The following PMFBP1 variants were observed in gnomAD, a reference collection of about 807,000 sequenced individuals.
The protein encoded by PMFBP1 is polyamine-modulated factor 1-binding protein 1.
PMFBP1 carries 131 observed loss-of-function variants against 137.8 expected under a neutral mutation model. The observed-to-expected ratio is 0.95, with a 90% CI of 0.82 to 1.10. PMFBP1 has a LOEUF of 1.10. PMFBP1 is among the 50% of genes least tolerant of loss of function. The probability of loss-of-function intolerance (pLI) is 0.00; values close to 1 mark genes in which losing one functional copy is unlikely to be tolerated. For missense variants in PMFBP1, 1,199 were observed against 1,175.4 expected, an observed-to-expected ratio of 1.02 and a Z score of -0.29; for synonymous variants, 490 against 450.4, an observed-to-expected ratio of 1.09 and a Z score of -1.11.
chr16:72,165,926 T>TGGTG (rs2043138832), intron 2 of PMFBP1, among the ~76,000 whole-genome samples: 1 of 151,996 alleles, frequency 6.6e-6, no homozygotes, highest in South Asian at 2.1e-4. Flanking sequence ...TGTTGTAGGA[T>TGGTG]GGTGGGGCTT....
In PMFBP1 at chr16:72,119,153, T is replaced by C; in HGVS notation, c.*185A>G. 1 of 636,388 alleles carries C rather than the reference T, an allele frequency of 1.6e-6. No individual in the cohort carries two copies. The highest frequency in any genetic ancestry group is 2.9e-4 in the Middle Eastern group (1 of 3,466). 39.4% of individuals were successfully genotyped at this position (636,388 alleles called of 1,614,324 possible). ...TTGGGCCTGGAGATGGTAGTATGGT[T>C]CTAAAGCTCACTCCATGGCAGGAAG... On this transcript the variant is annotated 3_prime_UTR_variant, in exon 21 of 21. Coordinates refer to ENST00000237353, the MANE Select transcript of PMFBP1 (RefSeq NM_031293.3).
chr16:72,161,342 C>A (rs1443598195), intron 3 of PMFBP1, among the ~76,000 whole-genome samples: 1 of 152,112 alleles, frequency 6.6e-6, no homozygotes, highest in Non-Finnish European at 1.5e-5. Context: ...AGGTGATCCA[C>A]CCGCCTCAGC....
chr16:72,120,149 G>A, intron 19 of PMFBP1, 60 bp from the exon 20 acceptor site: 1 of 1,611,360 alleles, frequency 6.2e-7, no homozygotes, highest in South Asian at 1.1e-5. Context: ...TTGGTTCCCT[G>A]CTAGAAAGGA....
At chr16:72,152,487 G>C (rs957840437) in intron 4 of PMFBP1, among the ~76,000 whole-genome samples, 1 of 152,128 alleles carries the variant, frequency 6.6e-6, no homozygotes, top group Non-Finnish European at 1.5e-5. Flanking sequence ...TTAAAAGGAA[G>C]GGAGTGTGCC....
Position 72,126,047 on chromosome 16 carries a change from G to A in PMFBP1, c.2174C>T (p.Thr725Ile), listed in dbSNP as rs1467133199. 1 of 1,614,230 alleles carries A rather than the reference G, an allele frequency of 6.2e-7. No individual in the cohort carries two copies. The highest frequency in any genetic ancestry group is 2.2e-5 in the East Asian group (1 of 44,882). The change falls in exon 15 of 21, where the codon ACC becomes ATC. Residue 725 changes from threonine (T) to isoleucine (I), a missense_variant. Coordinates refer to ENST00000237353, the MANE Select transcript of PMFBP1 (RefSeq NM_031293.3). The stretch of plus-strand genomic sequence containing the variant: ...TGCATCATAGGCTTCTTTGGTGATG[G>A]TAGTCTGGAGATAGTGCTTCTCCTT... ...LQKEKHYLQTTITKEAYDALS... is the reference protein window; with the variant it reads ...LQKEKHYLQTIITKEAYDALS...
intron 15 of PMFBP1, among the ~76,000 whole-genome samples, 188 bp downstream of exon 15, chr16:72,125,780 C>A (rs2042446404): frequency 6.6e-6 from 1 of 152,226 alleles, no homozygotes; most frequent in Non-Finnish European, 1.5e-5. Flanking sequence ...TTCCTCCGCC[C>A]TCCACCCAAC....
chr16:72,140,275 TG>T, intron 6 of PMFBP1, 136 bp downstream of exon 6: 9 of 860,720 alleles, frequency 1.0e-5, no homozygotes, highest in South Asian at 6.9e-5. Context: ...TGAACAAAGT[TG>T]GGGGGCAAGT....
the PMFBP1 span, among the ~76,000 whole-genome samples, chr16:72,247,076 C>T: frequency 6.6e-6 from 1 of 152,170 alleles, no homozygotes. Context: ...TGAAGAGGTA[C>T]ACAATTTCCC....
At chr16:72,162,385 C>T (rs1252428219) in intron 3 of PMFBP1, among the ~76,000 whole-genome samples, 11 of 152,220 alleles carry the variant, frequency 7.2e-5, no homozygotes, top group Admixed American at 7.2e-4. Flanking sequence ...CTATCACTTG[C>T]CCCTTCCCTG....
At chr16:72,218,571 G>A in the PMFBP1 span, among the ~76,000 whole-genome samples, 2 of 152,066 alleles carry the variant, frequency 1.3e-5, no homozygotes, top group African/African-American at 4.8e-5. Flanking sequence ...GTGAGCCACC[G>A]CACCCGGCCT....
chr16:72,171,077 C>T, intron 2 of PMFBP1, 120 bp downstream of exon 2: 1 of 1,189,556 alleles, frequency 8.4e-7, no homozygotes, highest in South Asian at 1.3e-5. Flanking sequence ...GCTCTGCTGC[C>T]CACCTCTGTC....
chr16:72,202,806 C>T, the PMFBP1 span, among the ~76,000 whole-genome samples: 4 of 152,168 alleles, frequency 2.6e-5, no homozygotes, highest in Non-Finnish European at 5.9e-5. Flanking sequence ...GCAAATTGCT[C>T]GGTTGACAAT....
At chr16:72,211,481 A>G in the PMFBP1 span, among the ~76,000 whole-genome samples, 1 of 152,196 alleles carries the variant, frequency 6.6e-6, no homozygotes. Flanking sequence ...CCCTGTTTAG[A>G]ATCTCACATT....
At chr16:72,249,223 TTTG>T in the PMFBP1 span, among the ~76,000 whole-genome samples, 1 of 152,192 alleles carries the variant, frequency 6.6e-6, no homozygotes, top group South Asian at 2.1e-4. Context: ...CAGCTGAGCT[TTTG>T]TTTTCTCTGC....
intron 7 of PMFBP1, 70 bp downstream of exon 7, chr16:72,139,219 G>C (rs2042678316): frequency 1.9e-6 from 2 of 1,060,208 alleles, no homozygotes; most frequent in South Asian, 3.0e-5. Context: ...TAAAAAATAA[G>C]TAGGAAAGCC....
At chr16:72,181,895 T>G in the PMFBP1 span, among the ~76,000 whole-genome samples, 1 of 152,224 alleles carries the variant, frequency 6.6e-6, no homozygotes, top group African/African-American at 2.4e-5. Flanking sequence ...TTGGCTTCCC[T>G]GAGCCACATT....
At chr16:72,213,748 T>C in the PMFBP1 span, among the ~76,000 whole-genome samples, 4 of 152,128 alleles carry the variant, frequency 2.6e-5, no homozygotes, top group Non-Finnish European at 4.4e-5. Flanking sequence ...AGATAACTAA[T>C]ACAAAAAAGT....
At chr16:72,144,603 A>C (rs1278654455) in intron 5 of PMFBP1, among the ~76,000 whole-genome samples, 1 of 152,198 alleles carries the variant, frequency 6.6e-6, no homozygotes, top group Non-Finnish European at 1.5e-5. Flanking sequence ...TATACATATA[A>C]AATATATATT....
At chr16:72,212,829 G>A in the PMFBP1 span, among the ~76,000 whole-genome samples, 4 of 152,138 alleles carry the variant, frequency 2.6e-5, no homozygotes, top group Non-Finnish European at 5.9e-5. Flanking sequence ...AGTTTCCAGC[G>A]GGGATAAAAA....
Sources: allele counts gnomAD v4.1 joint callset (sites outside exome capture counted in the v4.1 genomes callset), GRCh38; gene constraint gnomAD v4.1.1; transcripts MANE v1.5; gene names NCBI Gene and HGNC (gene_info 2026-07-23, HGNC 2026-07-21).